Variants in TRIP12 observed in about 807,000 individuals in gnomAD.
TRIP12 encodes the protein thyroid hormone receptor interactor 12.
Under a neutral mutation model 244.2 loss-of-function variants are expected in TRIP12, and 25 were observed. The observed-to-expected ratio is 0.10, with a 90% confidence interval of 0.07 to 0.14. TRIP12 has a LOEUF of 0.14. Ranked by LOEUF, TRIP12 falls within the 10% of genes least tolerant of loss-of-function variation. The pLI is 1.00. For missense variants in TRIP12, 1,677 were observed against 2,486.4 expected, an observed-to-expected ratio of 0.67 and a Z score of 6.92; for synonymous variants, 905 against 873.1, an observed-to-expected ratio of 1.04 and a Z score of -0.64.
chr2:229,785,076 G>A (rs2039568952), intron 34 of TRIP12, among the ~76,000 whole-genome samples: 1 of 152,034 alleles, frequency 6.6e-6, no homozygotes, highest in South Asian at 2.1e-4. Context: ...CCCATATAAT[G>A]GAATACTCAA....
At chr2:229,908,511 G>A (rs1450413032) in intron 1 of TRIP12, among the ~76,000 whole-genome samples, 2 of 151,786 alleles carry the variant, frequency 1.3e-5, no homozygotes, top group African/African-American at 4.8e-5. Context: ...TTGGGAGGCC[G>A]AGGCAGGCGG....
At chr2:229,834,695 G>C (rs1477847046) in intron 6 of TRIP12, among the ~76,000 whole-genome samples, 3 of 152,238 alleles carry the variant, frequency 2.0e-5, no homozygotes, top group East Asian at 3.9e-4. Context: ...AGGAGGCAGA[G>C]GCTGCAGTGA....
chr2:229,786,396 CTTTTTTT>C (rs34138414), intron 33 of TRIP12, among the ~76,000 whole-genome samples: 2 of 127,768 alleles, frequency 1.6e-5, no homozygotes, highest in African/African-American at 3.1e-5. Context: ...AATAGGATGA[CTTTTTTT>C]TTTTTTTTTT....
intron 4 of TRIP12, among the ~76,000 whole-genome samples, chr2:229,843,068 C>T (rs796634456): frequency 2.3e-5 from 3 of 129,580 alleles, no homozygotes; most frequent in Non-Finnish European, 5.1e-5. Flanking sequence ...CTCTCTCCCC[C>T]ACTCCTTCCC....
intron 1 of TRIP12, among the ~76,000 whole-genome samples, chr2:229,886,565 G>A (rs978878628): frequency 3.3e-5 from 5 of 151,872 alleles, no homozygotes; most frequent in South Asian, 2.1e-4. Context: ...AGGTTCAAGC[G>A]ATTCTTCTGC....
At chr2:229,917,606 T>C (rs1384985960) in intron 1 of TRIP12, among the ~76,000 whole-genome samples, 3 of 152,030 alleles carry the variant, frequency 2.0e-5, no homozygotes, top group Non-Finnish European at 4.4e-5. Context: ...AACATGGCAG[T>C]GACAGTTGAT....
intron 2 of TRIP12, among the ~76,000 whole-genome samples, chr2:229,866,475 T>C (rs1253520016): frequency 6.6e-6 from 1 of 152,244 alleles, no homozygotes; most frequent in Non-Finnish European, 1.5e-5. Flanking sequence ...TGCTAAGACA[T>C]TATATCAATA....
chr2:229,888,023 AT>A (rs1404731717), intron 1 of TRIP12, among the ~76,000 whole-genome samples: 2 of 152,164 alleles, frequency 1.3e-5, no homozygotes, highest in African/African-American at 4.8e-5. Context: ...AGTTCCCCAA[AT>A]GCTCTTTAAA....
At chr2:229,864,179 T>C (rs1222052518) in intron 2 of TRIP12, among the ~76,000 whole-genome samples, 3 of 151,688 alleles carry the variant, frequency 2.0e-5, no homozygotes, top group Admixed American at 6.6e-5. Context: ...CCACTAAAAA[T>C]AACCGGGCTG....
At chr2:229,895,850 A>C (rs963152441) in intron 1 of TRIP12, among the ~76,000 whole-genome samples, 2 of 152,130 alleles carry the variant, frequency 1.3e-5, no homozygotes, top group Non-Finnish European at 2.9e-5. Flanking sequence ...CAGACATGTC[A>C]TAATTCAAAA....
chr2:229,888,599 G>A (rs1447605223), intron 1 of TRIP12, among the ~76,000 whole-genome samples: 1 of 151,974 alleles, frequency 6.6e-6, no homozygotes, highest in Non-Finnish European at 1.5e-5. Flanking sequence ...TTTAGAAAAT[G>A]GCGAGAGCAG....
chr2:229,911,250 T>G (rs1450477910), intron 1 of TRIP12, among the ~76,000 whole-genome samples: 2 of 152,342 alleles, frequency 1.3e-5, no homozygotes, highest in Admixed American at 1.3e-4. Flanking sequence ...TAAATCTGCA[T>G]AGCTAGCATC....
chr2:229,895,444 A>G (rs1431255132), intron 1 of TRIP12, among the ~76,000 whole-genome samples: 1 of 152,106 alleles, frequency 6.6e-6, no homozygotes, highest in Non-Finnish European at 1.5e-5. Context: ...AGAATTTTCT[A>G]GAACCAGTAA....
intron 1 of TRIP12, among the ~76,000 whole-genome samples, chr2:229,918,852 T>C (rs925868974): frequency 2.6e-5 from 4 of 152,202 alleles, no homozygotes; most frequent in Non-Finnish European, 4.4e-5. Flanking sequence ...CTAAAATTAA[T>C]TTATTTAGCA....
intron 2 of TRIP12, among the ~76,000 whole-genome samples, chr2:229,875,873 A>C (rs1330027132): frequency 6.6e-6 from 1 of 152,226 alleles, no homozygotes; most frequent in Non-Finnish European, 1.5e-5. Flanking sequence ...ATATAGCTGT[A>C]ATTGTTCTCT....
intron 1 of TRIP12, among the ~76,000 whole-genome samples, chr2:229,912,864 G>A (rs946210125): frequency 1.3e-5 from 2 of 151,812 alleles, no homozygotes; most frequent in African/African-American, 4.9e-5. Flanking sequence ...ATTAGCTGCT[G>A]ATGAGTATTT....
chr2:229,873,356 G>A (rs1379566789), intron 2 of TRIP12, among the ~76,000 whole-genome samples: 1 of 152,152 alleles, frequency 6.6e-6, no homozygotes, highest in African/African-American at 2.4e-5. Flanking sequence ...GTGAACATTT[G>A]GAGCATAAGC....
intron 34 of TRIP12, among the ~76,000 whole-genome samples, chr2:229,781,709 T>A (rs2154249398): frequency 6.6e-6 from 1 of 152,316 alleles, no homozygotes; most frequent in African/African-American, 2.4e-5. Context: ...TGACCTGACA[T>A]TTTCACTGGG....
At chr2:229,779,259 A>G (rs556245186) in intron 34 of TRIP12, among the ~76,000 whole-genome samples, 26 of 147,936 alleles carry the variant, frequency 1.8e-4, no homozygotes, top group Non-Finnish European at 1.0e-4. Context: ...CTGTGGCTAC[A>G]TATCTTTCCT....
Sources: allele counts gnomAD v4.1 joint callset (sites outside exome capture counted in the v4.1 genomes callset), GRCh38; gene constraint gnomAD v4.1.1; transcripts MANE v1.5; gene names NCBI Gene and HGNC (gene_info 2026-07-23, HGNC 2026-07-21).